The following ANKS1B variants were observed in gnomAD, a reference collection of about 807,000 sequenced individuals.
ANKS1B encodes ankyrin repeat and sterile alpha motif domain-containing protein 1B.
A neutral mutation model predicts 148.3 loss-of-function variants in ANKS1B; 36 were observed. That is an observed-to-expected ratio of 0.24 (90% CI 0.19 to 0.32). The LOEUF (loss-of-function observed/expected upper bound fraction) is 0.32, where lower values mean the gene tolerates loss of function less well. ANKS1B is among the 10% of genes least tolerant of loss of function. The probability of loss-of-function intolerance (pLI) is 1.00; values close to 1 mark genes in which losing one functional copy is unlikely to be tolerated. For synonymous variants in ANKS1B, 542 were observed against 560.8 expected (o/e 0.97, Z 0.47); for missense variants, 1,157 against 1,542.6 (o/e 0.75, Z 4.19).
intron 12 of ANKS1B, among the ~76,000 whole-genome samples, chr12:99,344,502 T>A (rs1303973059): frequency 6.6e-6 from 1 of 152,162 alleles, no homozygotes; most frequent in East Asian, 1.9e-4. Flanking sequence ...GGCCCTTACA[T>A]AAAATTTTGT....
intron 10 of ANKS1B, among the ~76,000 whole-genome samples, chr12:99,471,871 C>G (rs1375660226): frequency 6.6e-6 from 1 of 151,952 alleles, no homozygotes; most frequent in Non-Finnish European, 1.5e-5. Flanking sequence ...ATAAATTTAC[C>G]CAGAAGAGTA....
chr12:99,887,356 C>A (rs887554150), intron 1 of ANKS1B, among the ~76,000 whole-genome samples: 1 of 152,122 alleles, frequency 6.6e-6, no homozygotes, highest in Non-Finnish European at 1.5e-5. Context: ...TTTGTTTATA[C>A]TGAATACATG....
In ANKS1B at chr12:99,191,805, C is replaced by CA. The variant is rs1256855665; in HGVS notation, c.2420-37411dup. Among the ~76,000 whole-genome samples the CA allele has an allele frequency of 2.0e-5, 3 of 152,230 alleles. No homozygotes were observed. The East Asian group carries it at 5.8e-4, about 29-fold the overall frequency. On this transcript the variant is annotated intron_variant, in intron 14 of 26. Transcript: ENST00000683438. ...CGTGTATACCTATGTAACAAACCTG[C>CA]ATGTTCTCCACATGTATTTCGGAAC...
chr12:99,486,359 A>G lies in ANKS1B; in HGVS notation c.1438+18117T>C, dbSNP rs1283209312. Reference sequence around the variant, plus strand: ...GGCTTTCTCATATGCTGGTTATATTAAGAACGTTCTCAGTGTGTGAGCAAG... The same window carrying G: ...GGCTTTCTCATATGCTGGTTATATTGAGAACGTTCTCAGTGTGTGAGCAAG... On this transcript the variant is annotated intron_variant, in intron 10 of 26. Transcript: ENST00000683438. Among the ~76,000 whole-genome samples the G allele has an allele frequency of 2.0e-5, 3 of 152,120 alleles. No homozygotes were observed. In the East Asian group the frequency reaches 5.8e-4, roughly 29 times the overall value.
intron 14 of ANKS1B, among the ~76,000 whole-genome samples, chr12:99,168,168 T>A (rs975444086): frequency 6.6e-6 from 1 of 152,160 alleles, no homozygotes; most frequent in African/African-American, 2.4e-5. Flanking sequence ...TCAAAAAGGG[T>A]ACACTTTAAA....
At chr12:99,292,226 C>T (rs2080105708) in intron 12 of ANKS1B, among the ~76,000 whole-genome samples, 1 of 151,876 alleles carries the variant, frequency 6.6e-6, no homozygotes, top group African/African-American at 2.4e-5. Context: ...GGCATGGTGG[C>T]TCACGCCTGT....
intron 1 of ANKS1B, among the ~76,000 whole-genome samples, chr12:99,883,454 G>A (rs1194614811): frequency 6.6e-6 from 1 of 152,096 alleles, no homozygotes; most frequent in African/African-American, 2.4e-5. Flanking sequence ...AGTTTTTTGA[G>A]TAATAATTGG....
intron 14 of ANKS1B, among the ~76,000 whole-genome samples, chr12:99,208,901 A>G (rs2082998912): frequency 6.6e-6 from 1 of 152,202 alleles, no homozygotes; most frequent in African/African-American, 2.4e-5. Context: ...ACAAAAGTTA[A>G]AACATTTACT....
chr12:99,648,610 C>A, intron 9 of ANKS1B: 1 of 1,614,174 alleles, frequency 6.2e-7, no homozygotes, highest in Non-Finnish European at 8.5e-7. Context: ...TGCCACGGGC[C>A]GCTCTTTTTA....
At chr12:99,233,831 A>C (rs2087333879) in intron 14 of ANKS1B, among the ~76,000 whole-genome samples, 1 of 152,152 alleles carries the variant, frequency 6.6e-6, no homozygotes, top group African/African-American at 2.4e-5. Flanking sequence ...AGACTGCTCA[A>C]ACTTTGAGTG....
chr12:99,740,342 A>AAAAAAC (rs1491250867), intron 8 of ANKS1B, among the ~76,000 whole-genome samples: 7 of 151,752 alleles, frequency 4.6e-5, no homozygotes, highest in African/African-American at 1.7e-4. Flanking sequence ...AACAAAAAAC[A>AAAAAAC]AAAAAACTAG....
chr12:98,878,251 C>T (rs930935438), intron 17 of ANKS1B, among the ~76,000 whole-genome samples: 1 of 150,894 alleles, frequency 6.6e-6, no homozygotes, highest in African/African-American at 2.4e-5. Flanking sequence ...ACACCTCACT[C>T]TGGTTAGCCT....
chr12:99,103,694 T>G (rs2058518084), intron 15 of ANKS1B, among the ~76,000 whole-genome samples: 1 of 152,188 alleles, frequency 6.6e-6, no homozygotes, highest in South Asian at 2.1e-4. Context: ...CATTCCTCTA[T>G]GAAACTATTA....
At chr12:98,939,309 A>C (rs1207023477) in intron 17 of ANKS1B, among the ~76,000 whole-genome samples, 3 of 152,244 alleles carry the variant, frequency 2.0e-5, no homozygotes, top group Non-Finnish European at 4.4e-5. Context: ...GATAGAAATT[A>C]CCTATTTGCA....
chr12:99,251,533 C>T (rs1185538351), intron 12 of ANKS1B, among the ~76,000 whole-genome samples: 1 of 152,068 alleles, frequency 6.6e-6, no homozygotes, highest in Non-Finnish European at 1.5e-5. Context: ...ATATTTCATG[C>T]CAAGGTACAG....
At position 99,411,172 on chromosome 12, in the gene ANKS1B, G is replaced by A. The variant is rs143832156; in HGVS notation, c.1576-11361C>T. 1.5e-3 allele frequency among the ~76,000 whole-genome samples: 224 copies of A among 152,220 alleles called. 1 individual carries two copies. Among genetic ancestry groups the A allele is most frequent in the African/African-American group, 5.0e-3 (208 of 41,548 alleles). ...CACATGTTCAATTTTCCCATAAACCGCCTTACAAAACCCTGGGCCAGGAGC... is the reference window on the plus strand; with the variant it reads ...CACATGTTCAATTTTCCCATAAACCACCTTACAAAACCCTGGGCCAGGAGC... On this transcript the variant is annotated intron_variant, in intron 11 of 26. Coordinates refer to ENST00000683438, the MANE Select transcript of ANKS1B (RefSeq NM_001352186.2).
At chr12:99,869,277 C>CCAT (rs1345643044) in intron 1 of ANKS1B, among the ~76,000 whole-genome samples, 1 of 151,950 alleles carries the variant, frequency 6.6e-6, no homozygotes, top group Non-Finnish European at 1.5e-5. Context: ...AGGAGGTACA[C>CCAT]CATCAGACAA....
At chr12:99,375,063 C>T (rs982379435) in intron 12 of ANKS1B, among the ~76,000 whole-genome samples, 2 of 152,156 alleles carry the variant, frequency 1.3e-5, no homozygotes, top group Admixed American at 6.5e-5. Context: ...TTTGGATCAC[C>T]TTATCTTAAA....
chr12:99,004,611 G>C (rs907932043), intron 17 of ANKS1B, among the ~76,000 whole-genome samples: 2 of 151,900 alleles, frequency 1.3e-5, no homozygotes, highest in African/African-American at 4.8e-5. Context: ...AGAAATGAGA[G>C]GAAGGTGGGG....
Sources: allele counts gnomAD v4.1 joint callset (sites outside exome capture counted in the v4.1 genomes callset), GRCh38; gene constraint gnomAD v4.1.1; transcripts MANE v1.5; gene names NCBI Gene and HGNC (gene_info 2026-07-23, HGNC 2026-07-21).